NIPA2: variants seen among roughly 807,000 people sequenced by gnomAD.
The protein encoded by NIPA2 is NIPA magnesium transporter 2, also known as magnesium transporter NIPA2.
In NIPA2, 11 loss-of-function variants were observed where a neutral mutation model predicts 29.7. The observed-to-expected ratio is 0.37, with a 90% CI of 0.23 to 0.61. The LOEUF is 0.61. Among genes scored for constraint, NIPA2 ranks in the 20% least tolerant of loss-of-function variants. The pLI is 0.66. For missense variants in NIPA2, 426 were observed against 437.9 expected, an observed-to-expected ratio of 0.97 and a Z score of 0.24; for synonymous variants, 183 against 161.9, an observed-to-expected ratio of 1.13 and a Z score of -0.99.
intron 7 of NIPA2, among the ~76,000 whole-genome samples, chr15:22,862,898 C>CTTTTTTTTT (rs59317671): frequency 1.4e-4 from 15 of 110,254 alleles, no homozygotes; most frequent in Admixed American, 2.2e-4. Context: ...TGCCTTTATT[C>CTTTTTTTTT]TTTTTTTTTT....
In NIPA2 at chr15:22,850,710, A is replaced by G. The variant is rs554153342; in HGVS notation, c.-93-929A>G. ...AAAGTAATTGAGGGGCTAGGTGGAC[A>G]GGGAGTTTAAGTTGCTTTGGTTAAA... On this transcript the variant is annotated intron_variant, in intron 3 of 7. Coordinates refer to ENST00000337451, the MANE Select transcript of NIPA2 (RefSeq NM_030922.7). 2.0e-5 allele frequency among the ~76,000 whole-genome samples: 3 copies of G among 152,312 alleles called. No individual in the cohort carries two copies. In the South Asian group the frequency reaches 6.2e-4, roughly 32 times the overall value.
chr15:22,866,579 A>G lies in NIPA2; in HGVS notation c.815A>G (p.Gln272Arg). Reference protein sequence around the residue: ...TCSAILFKEWQDMPVDDVIGT... With the variant: ...TCSAILFKEWRDMPVDDVIGT... ...TCAGCTATTCTTTTTAAGGAGTGGC[A>G]AGATATGCCTGTTGACGATGTCATT... The change falls in exon 8 of 8, where the codon CAA becomes CGA. Residue 272 changes from glutamine (Q) to arginine (R), a missense_variant. Physicochemically the swap from Gln to Arg is conservative, Grantham distance 43. Around this residue, in one of 3 missense-constraint regions of NIPA2, gnomAD observed 357 missense variants for 339.8 expected, o/e 1.05. Coordinates refer to ENST00000337451, the MANE Select transcript of NIPA2 (RefSeq NM_030922.7). The G allele has an allele frequency of 6.2e-7, 1 of 1,614,168 alleles. No individual in the cohort carries two copies. The highest frequency in any genetic ancestry group is 1.6e-4 in the Middle Eastern group (1 of 6,062).
rs1162898223 is a variant in NIPA2 at position 22,867,152 on chromosome 15, T to C, written c.*305T>C. On this transcript the variant is annotated 3_prime_UTR_variant, in exon 8 of 8. Coordinates refer to ENST00000337451, the MANE Select transcript of NIPA2 (RefSeq NM_030922.7). ...CAGTTTTAAGTCTATGAAAATGCTT[T>C]ATTTTTTCATTGGTGATGAAAGTCT... The C allele has an allele frequency of 2.2e-6, 1 of 447,164 alleles. No homozygotes were observed. The highest frequency in any genetic ancestry group is 3.9e-6 in the Non-Finnish European group (1 of 255,896). The allele number at this position is 447,164 out of a possible 1,614,324, so 27.7% of individuals were successfully genotyped here.
rs117894530 is a variant in NIPA2 at position 22,851,674 on chromosome 15, C to T, written c.-58C>T. The stretch of plus-strand genomic sequence containing the variant: ...TGCTTCATTCTGCCTCTAGTACCAG[C>T]GGTTTCTCTGTTCTGTGATCAATGT... On this transcript the variant is annotated 5_prime_UTR_variant, in exon 4 of 8. Transcript: ENST00000337451. The T allele has an allele frequency of 0.024, 35,069 of 1,455,732 alleles. 590 individuals carry two copies. Among genetic ancestry groups the T allele is most frequent in the Non-Finnish European group, 0.025 (27,193 of 1,068,340 alleles). 90.2% of individuals were successfully genotyped at this position (1,455,732 alleles called of 1,614,324 possible). A position where few individuals can be genotyped will look rare whatever the true frequency, so the allele number is the denominator to read the frequency against.
intron 3 of NIPA2, among the ~76,000 whole-genome samples, chr15:22,846,096 G>A (rs1430692613): frequency 6.6e-6 from 1 of 152,184 alleles, no homozygotes; most frequent in Non-Finnish European, 1.5e-5. Context: ...CTGGACAGAC[G>A]AGATGGACGG....
intron 2 of NIPA2, among the ~76,000 whole-genome samples, chr15:22,843,670 A>T (rs1359821078): frequency 4.1e-5 from 6 of 146,190 alleles, no homozygotes; most frequent in Admixed American, 3.4e-4. Flanking sequence ...TTTTTTTTTG[A>T]GACGGAGTCT....
At chr15:22,854,660 C>T (rs575462241) in intron 5 of NIPA2, among the ~76,000 whole-genome samples, 20 of 151,964 alleles carry the variant, frequency 1.3e-4, no homozygotes, top group Admixed American at 4.6e-4. Flanking sequence ...GCCCGAGAAT[C>T]GCTTGAAACT....
chr15:22,866,645 T>G lies in NIPA2; in HGVS notation c.881T>G (p.Phe294Cys). The G allele has an allele frequency of 6.2e-7, 1 of 1,614,130 alleles. No individual in the cohort carries two copies. The highest frequency in any genetic ancestry group is 8.5e-7 in the Non-Finnish European group (1 of 1,179,994). ...SGFFTIIVGI[F>C]LLHAFKDVSF... ...TTCTTTACAATCATTGTGGGGATATTCTTGTTGCATGCCTTTAAAGACGTC... is the reference window on the plus strand; with the variant it reads ...TTCTTTACAATCATTGTGGGGATATGCTTGTTGCATGCCTTTAAAGACGTC... Residue 294 changes from phenylalanine (F) to cysteine (C), a missense_variant, in exon 8 of 8, where the codon TTC becomes TGC. Around this residue, in one of 3 missense-constraint regions of NIPA2, gnomAD observed 357 missense variants for 339.8 expected, o/e 1.05. Transcript: ENST00000337451.
In NIPA2 at chr15:22,868,190, T is replaced by G. The variant is rs1221233586; in HGVS notation, c.*1343T>G. Reference sequence around the variant, plus strand: ...TTTTCCAACTTTATTATTGGCCTTCTAAGGAGCTGTTTTAGATGTTTTTTC... The same window carrying G: ...TTTTCCAACTTTATTATTGGCCTTCGAAGGAGCTGTTTTAGATGTTTTTTC... On this transcript the variant is annotated 3_prime_UTR_variant, in exon 8 of 8. Transcript: ENST00000337451. 2.6e-5 allele frequency: 4 copies of G among 152,202 alleles called. No homozygotes were observed. The East Asian group carries it at 7.7e-4, about 29-fold the overall frequency. The allele number at this position is 152,202 out of a possible 1,614,324, so 9.4% of individuals were successfully genotyped here.
At chr15:22,851,975 C>CT in intron 4 of NIPA2, 105 bp downstream of exon 4, 1 of 970,410 alleles carries the variant, frequency 1.0e-6, no homozygotes, top group Admixed American at 2.4e-5. Context: ...GTATTTGAAA[C>CT]TTTGAATTGT....
chr15:22,841,850 T>A (rs1453712363), intron 2 of NIPA2, among the ~76,000 whole-genome samples: 1 of 152,074 alleles, frequency 6.6e-6, no homozygotes, highest in Admixed American at 6.6e-5. Context: ...CTGCCCTCAC[T>A]CAAGGTCAGC....
At chr15:22,848,078 G>A (rs1034631553) in intron 3 of NIPA2, among the ~76,000 whole-genome samples, 1 of 152,022 alleles carries the variant, frequency 6.6e-6, no homozygotes. Flanking sequence ...GATTACAGGC[G>A]TGAGCCACCA....
At chr15:22,865,225 G>A (rs1177586749) in intron 7 of NIPA2, among the ~76,000 whole-genome samples, 1 of 150,014 alleles carries the variant, frequency 6.7e-6, no homozygotes. Context: ...GGTGGCTCAC[G>A]CCTGTAATCC....
chr15:22,841,189 T>C (rs1219513329), intron 2 of NIPA2, among the ~76,000 whole-genome samples: 1 of 152,198 alleles, frequency 6.6e-6, no homozygotes, highest in Non-Finnish European at 1.5e-5. Flanking sequence ...ATGATAGATA[T>C]GTTGATTTGC....
At chr15:22,862,712 A>AT (rs1209516024) in intron 7 of NIPA2, among the ~76,000 whole-genome samples, 2 of 151,930 alleles carry the variant, frequency 1.3e-5, no homozygotes, top group Non-Finnish European at 2.9e-5. Context: ...GCTTTTAGGC[A>AT]TTTTTTAATT....
chr15:22,839,838 T>C (rs549248722), intron 2 of NIPA2, 48 bp downstream of exon 2: 3 of 152,084 alleles, frequency 2.0e-5, no homozygotes, highest in Non-Finnish European at 4.4e-5. Context: ...ATAGTTAGGG[T>C]TGGAGATTTA....
chr15:22,847,351 T>TTA (rs1248148228), intron 3 of NIPA2, among the ~76,000 whole-genome samples: 1 of 152,224 alleles, frequency 6.6e-6, no homozygotes, highest in Non-Finnish European at 1.5e-5. Flanking sequence ...ACCATAGAAC[T>TTA]TAAAGTATAT....
In NIPA2 at chr15:22,866,755, C is replaced by G; in HGVS notation, c.991C>G (p.Leu331Val). 2.5e-6 allele frequency: 4 copies of G among 1,613,716 alleles called. No homozygotes were observed. The highest frequency in any genetic ancestry group is 3.4e-6 in the Non-Finnish European group (4 of 1,179,746). ...NGNLSNMYEV[L>V]NNNEESLTCG... Reference sequence around the variant, plus strand: ...CAATCTCTCTAATATGTATGAAGTTCTTAATAATAATGAAGAAAGCTTAAC... The same window carrying G: ...CAATCTCTCTAATATGTATGAAGTTGTTAATAATAATGAAGAAAGCTTAAC... Residue 331 changes from leucine (L) to valine (V), a missense_variant, in exon 8 of 8, where the codon CTT (leucine) becomes GTT (valine). Physicochemically the swap from Leu to Val is conservative, Grantham distance 32. Coordinates refer to ENST00000337451, the MANE Select transcript of NIPA2 (RefSeq NM_030922.7).
intron 7 of NIPA2, among the ~76,000 whole-genome samples, chr15:22,864,744 C>T (rs1315794471): frequency 6.6e-6 from 1 of 152,212 alleles, no homozygotes; most frequent in African/African-American, 2.4e-5. Flanking sequence ...TTCTGTGCCA[C>T]AAACTAAATT....
Sources: gnomAD v4.1 joint callset for allele counts (sites outside exome capture counted in the v4.1 genomes callset) on GRCh38, gnomAD v4.1.1 for gene constraint, gnomAD v4.1.1 regional missense constraint, MANE v1.5 for transcripts, NCBI Gene and HGNC (gene_info 2026-07-23, HGNC 2026-07-21) for gene names.